The following ACCSL variants were observed in gnomAD, a reference collection of about 807,000 sequenced individuals.
ACCSL encodes 1-aminocyclopropane-1-carboxylate synthase homolog (inactive) like, also known as probable inactive 1-aminocyclopropane-1-carboxylate synthase-like protein 2.
ACCSL carries 55 observed loss-of-function variants against 61.7 expected under a neutral mutation model. That is an observed-to-expected ratio of 0.89 (90% CI 0.72 to 1.12). The LOEUF (loss-of-function observed/expected upper bound fraction) is 1.12. Among genes scored for constraint, ACCSL ranks in the 50% most tolerant of loss-of-function variants. The pLI is 0.00. For synonymous variants in ACCSL, 258 were observed against 264.3 expected (o/e 0.98, Z 0.23); for missense variants, 632 against 698.0 (o/e 0.91, Z 1.07).
At chr11:44,029,891 A>G in the ACCSL span, among the ~76,000 whole-genome samples, 3 of 151,160 alleles carry the variant, frequency 2.0e-5, no homozygotes, top group Non-Finnish European at 4.4e-5. Flanking sequence ...TAACTTTTGT[A>G]TAACATGAGG....
At chr11:43,940,161 A>T in the ACCSL span, among the ~76,000 whole-genome samples, 2 of 151,876 alleles carry the variant, frequency 1.3e-5, no homozygotes, top group African/African-American at 4.8e-5. Flanking sequence ...TTATTACTGT[A>T]TAGAGACTGG....
At chr11:44,036,482 A>G in the ACCSL span, among the ~76,000 whole-genome samples, 2 of 152,172 alleles carry the variant, frequency 1.3e-5, no homozygotes, top group African/African-American at 4.8e-5. Context: ...GCCCAGTATT[A>G]CAGATTCCCA....
chr11:44,027,062 C>T, the ACCSL span, among the ~76,000 whole-genome samples: 2 of 152,266 alleles, frequency 1.3e-5, no homozygotes, highest in Non-Finnish European at 2.9e-5. Flanking sequence ...CTTTATCATG[C>T]GTGATCCCTG....
the ACCSL span, among the ~76,000 whole-genome samples, chr11:43,978,552 C>T: frequency 2.6e-5 from 4 of 152,136 alleles, no homozygotes; most frequent in African/African-American, 7.2e-5. Context: ...ACGCTCCCTC[C>T]CTGGCTTACC....
chr11:44,034,177 T>C, the ACCSL span, among the ~76,000 whole-genome samples: 1 of 152,120 alleles, frequency 6.6e-6, no homozygotes, highest in East Asian at 1.9e-4. Flanking sequence ...AGATACAATT[T>C]AGGGTGGGGG....
chr11:44,044,863 T>C (rs1278466573), upstream of ACCSL, among the ~76,000 whole-genome samples: 2 of 152,126 alleles, frequency 1.3e-5, no homozygotes, highest in Non-Finnish European at 2.9e-5. Flanking sequence ...GATCCTGGGA[T>C]ACTGGTTCTA....
chr11:43,969,148 A>T, the ACCSL span, among the ~76,000 whole-genome samples: 1 of 152,156 alleles, frequency 6.6e-6, no homozygotes, highest in Non-Finnish European at 1.5e-5. Flanking sequence ...CAGAAGTTCG[A>T]GCCCAGCCTG....
At chr11:44,043,092 C>A, upstream of ACCSL, among the ~76,000 whole-genome samples, 1 of 151,912 alleles carries the variant, frequency 6.6e-6, no homozygotes, top group South Asian at 2.1e-4. Flanking sequence ...CAAAAATAAA[C>A]GTATTTAGCT....
the ACCSL span, among the ~76,000 whole-genome samples, chr11:43,979,630 T>C: frequency 6.6e-6 from 1 of 152,140 alleles, no homozygotes; most frequent in Non-Finnish European, 1.5e-5. Flanking sequence ...GTTACCTCTT[T>C]AAAATTCACA....
At chr11:43,949,206 C>A in the ACCSL span, among the ~76,000 whole-genome samples, 1 of 152,324 alleles carries the variant, frequency 6.6e-6, no homozygotes, top group East Asian at 1.9e-4. Context: ...CTGGCACCCC[C>A]CTCCAACTCC....
the ACCSL span, among the ~76,000 whole-genome samples, chr11:44,013,307 C>T: frequency 6.6e-6 from 1 of 152,150 alleles, no homozygotes; most frequent in Admixed American, 6.5e-5. Flanking sequence ...CAAGATCTTG[C>T]CCTGTCACCA....
At chr11:44,000,566 CAAATA>C in the ACCSL span, among the ~76,000 whole-genome samples, 2 of 110,428 alleles carry the variant, frequency 1.8e-5, no homozygotes, top group African/African-American at 6.9e-5. Flanking sequence ...GTAAAACAAA[CAAATA>C]AATAAATAAA....
chr11:43,945,446 A>C, the ACCSL span: 1 of 151,440 alleles, frequency 6.6e-6, no homozygotes, highest in African/African-American at 2.4e-5. Flanking sequence ...TCCTCTTTCT[A>C]CTCTTCAGGA....
At chr11:44,004,530 G>A in the ACCSL span, among the ~76,000 whole-genome samples, 2 of 152,132 alleles carry the variant, frequency 1.3e-5, no homozygotes, top group African/African-American at 2.4e-5. Flanking sequence ...GCCTGTCTGC[G>A]ACTCTCAAGG....
the ACCSL span, among the ~76,000 whole-genome samples, chr11:43,940,589 T>G: frequency 6.6e-6 from 1 of 151,530 alleles, no homozygotes; most frequent in East Asian, 2.0e-4. Context: ...CTCGATCTCC[T>G]GACCTTGTGA....
chr11:43,944,249 G>T, the ACCSL span: 1 of 172,442 alleles, frequency 5.8e-6, no homozygotes, highest in South Asian at 1.3e-4. Context: ...CGCCACAGAA[G>T]ACGCATCTCC....
the ACCSL span, among the ~76,000 whole-genome samples, chr11:44,023,894 T>C: frequency 6.6e-6 from 1 of 152,238 alleles, no homozygotes; most frequent in African/African-American, 2.4e-5. Context: ...CTGTAATTTA[T>C]TATTTAATCC....
At chr11:43,943,198 G>T in the ACCSL span, 1 of 1,522,694 alleles carries the variant, frequency 6.6e-7, no homozygotes, top group Admixed American at 2.1e-5. This position sits in a 1 kb window ranked among gnomAD's most constrained non-coding sequence, Gnocchi z 4.8. Flanking sequence ...AGAGCCTGTC[G>T]CTGCAGCGGG....
At chr11:44,058,480 C>T in intron 12 of ACCSL, 21 bp downstream of exon 12, 4 of 1,614,156 alleles carry the variant, frequency 2.5e-6, no homozygotes, top group Non-Finnish European at 3.4e-6. Flanking sequence ...GGAATGAGGA[C>T]AGGTGTTCTT....
Sources: gnomAD v4.1 joint callset for allele counts (sites outside exome capture counted in the v4.1 genomes callset) on GRCh38, gnomAD v4.1.1 for gene constraint, Gnocchi (gnomAD v3.1) non-coding constraint, MANE v1.5 for transcripts, NCBI Gene and HGNC (gene_info 2026-07-23, HGNC 2026-07-21) for gene names.